Variants in EGFR observed in about 807,000 individuals in gnomAD.
EGFR encodes the protein epidermal growth factor receptor.
A neutral mutation model predicts 143.0 loss-of-function variants in EGFR; 58 were observed. That is an observed-to-expected ratio of 0.41 (90% CI 0.33 to 0.50). EGFR has a LOEUF of 0.50. Ranked by LOEUF, EGFR falls within the 20% of genes least tolerant of loss-of-function variation. EGFR has a pLI of 0.39. For synonymous variants in EGFR, 613 were observed against 594.4 expected (o/e 1.03, Z -0.45); for missense variants, 1,307 against 1,579.0 (o/e 0.83, Z 2.92).
rs377284607 is a variant in EGFR at position 55,206,008 on chromosome 7, T to TG, written c.*392dup. 265 of 384,310 alleles carry TG rather than the reference T, an allele frequency of 6.9e-4. No individual in the cohort carries two copies. The highest frequency in any genetic ancestry group is 4.8e-3 in the African/African-American group (235 of 48,840). 23.8% of individuals were successfully genotyped at this position (384,310 alleles called of 1,614,324 possible). A position where few individuals can be genotyped will look rare whatever the true frequency, so the allele number is the denominator to read the frequency against. ...GGGCTCTTCCAACAAGGAAGAAGCT[T>TG]GCTGGTAGCACTTGCTACCCTGAGT... On this transcript the variant is annotated 3_prime_UTR_variant, in exon 28 of 28. Transcript: ENST00000275493.
chr7:55,086,342 G>T (rs1397717165), intron 1 of EGFR, among the ~76,000 whole-genome samples: 2 of 147,780 alleles, frequency 1.4e-5, no homozygotes, highest in African/African-American at 5.1e-5. Context: ...GCAGAAAAGT[G>T]AGGTTATTTT....
rs1215679186 is a variant in EGFR, at chr7:55,181,416, C to T, written c.2407C>T (p.Arg803Trp). The T allele has an allele frequency of 1.2e-5, 20 of 1,614,198 alleles. No individual in the cohort carries two copies. Among genetic ancestry groups the T allele is most frequent in the Non-Finnish European group, 1.5e-5 (18 of 1,180,030 alleles). ...CTTCGGCTGCCTCCTGGACTATGTCCGGGAACACAAAGACAATATTGGCTC... is the reference window on the plus strand; with the variant it reads ...CTTCGGCTGCCTCCTGGACTATGTCTGGGAACACAAAGACAATATTGGCTC... ...MPFGCLLDYV[R>W]EHKDNIGSQY... is the part of the protein sequence containing the mutation. Residue 803 changes from arginine to tryptophan, a missense_variant, in exon 20 of 28, where the codon CGG becomes TGG. Transcript: ENST00000275493.
intron 22 of EGFR, among the ~76,000 whole-genome samples, chr7:55,193,293 A>C (rs1198965764): frequency 6.6e-6 from 1 of 152,064 alleles, no homozygotes; most frequent in East Asian, 1.9e-4. Flanking sequence ...ACAAACACAC[A>C]CTGAGGATGT....
chr7:55,156,140 G>C lies in EGFR; in HGVS notation c.1006+194G>C, dbSNP rs3735058. Among the ~76,000 whole-genome samples the C allele has an allele frequency of 2.9e-3, 442 of 152,336 alleles. 6 individuals carry two copies. Among genetic ancestry groups the C allele is most frequent in the Admixed American group, 0.014 (217 of 15,306 alleles). Reference sequence around the variant, plus strand: ...GGCACTGAAGGTTGTGACGGGGTGGGGGGCTCTGATGAGAACAGTCACAGA... The same window carrying C: ...GGCACTGAAGGTTGTGACGGGGTGGCGGGCTCTGATGAGAACAGTCACAGA... On this transcript the variant is annotated intron_variant, in intron 8 of 27. Transcript: ENST00000275493.
chr7:55,061,389 A>G (rs540109423), intron 1 of EGFR, among the ~76,000 whole-genome samples: 1 of 152,138 alleles, frequency 6.6e-6, no homozygotes, highest in Non-Finnish European at 1.5e-5. Context: ...CCCCATATAC[A>G]TAATCCCAGT....
chr7:55,204,366 A>G (rs1788010988), intron 27 of EGFR, among the ~76,000 whole-genome samples: 1 of 149,322 alleles, frequency 6.7e-6, no homozygotes, highest in African/African-American at 2.5e-5. Context: ...ACACACCAAC[A>G]CCACACAGAC....
chr7:55,026,630 G>C (rs565810455), intron 1 of EGFR, among the ~76,000 whole-genome samples: 1 of 152,098 alleles, frequency 6.6e-6, no homozygotes, highest in East Asian at 1.9e-4. Context: ...TGCCAGTCTC[G>C]GGATAACCTC....
At chr7:55,204,816 TATACACACAC>T (rs1434940784) in intron 27 of EGFR, among the ~76,000 whole-genome samples, 1 of 122,806 alleles carries the variant, frequency 8.1e-6, no homozygotes, top group Non-Finnish European at 1.7e-5. Flanking sequence ...ACACACCACA[TATACACACAC>T]GTACACACAC....
intron 22 of EGFR, among the ~76,000 whole-genome samples, chr7:55,193,139 G>A (rs118180370): frequency 8.5e-5 from 13 of 152,146 alleles, no homozygotes; most frequent in Non-Finnish European, 1.6e-4. Flanking sequence ...AAACTTTAAC[G>A]TTAACCAAAC....
At chr7:55,106,277 A>C (rs1411942285) in intron 1 of EGFR, among the ~76,000 whole-genome samples, 1 of 152,238 alleles carries the variant, frequency 6.6e-6, no homozygotes, top group Non-Finnish European at 1.5e-5. Context: ...TACGTTGAAC[A>C]GTGTGCGTCC....
At chr7:55,198,959 C>G (rs2128969112) in intron 23 of EGFR, 96 bp downstream of exon 23, 1 of 1,494,688 alleles carries the variant, frequency 6.7e-7, no homozygotes, top group Non-Finnish European at 9.2e-7. Flanking sequence ...GGAGAAATGT[C>G]ATCACATTAC....
At chr7:55,044,112 CGT>C (rs1562664417) in intron 1 of EGFR, 1 of 152,150 alleles carries the variant, frequency 6.6e-6, no homozygotes, top group Non-Finnish European at 1.5e-5. Context: ...ACATAAAACA[CGT>C]GCTTTTCTTT....
Position 55,143,322 on chromosome 7 carries a change from T to C in EGFR, c.258T>C (p.Ala86=). ...CTTCTTAGACCATCCAGGAGGTGGC[T>C]GGTTATGTCCTCATTGCCCTCAACA... is the stretch of plus-strand genomic sequence containing the variant. ...LSFLKTIQEV[A]GYVLIALNTV... Residue 86 remains alanine (A), a synonymous_variant, in exon 3 of 28, where the codon GCT becomes GCC. Coordinates refer to ENST00000275493, the MANE Select transcript of EGFR (RefSeq NM_005228.5). 1.9e-6 allele frequency: 3 copies of C among 1,614,252 alleles called. No individual in the cohort carries two copies. Among genetic ancestry groups the C allele is most frequent in the East Asian group, 2.2e-5 (1 of 44,884 alleles).
Position 55,165,323 on chromosome 7 carries a change from C to A in EGFR, c.1766C>A (p.Pro589His), listed in dbSNP as rs751570775. 3.1e-6 allele frequency: 5 copies of A among 1,614,050 alleles called. No individual in the cohort carries two copies. Among genetic ancestry groups the A allele is most frequent in the Non-Finnish European group, 3.4e-6 (4 of 1,180,050 alleles). The change falls in exon 15 of 28, where the codon CCC becomes CAC. Residue 589 changes from proline (P) to histidine (H), a missense_variant. Physicochemically the swap from Pro to His is moderately conservative, Grantham distance 77 (BLOSUM62 -2). Transcript: ENST00000275493. Reference sequence around the variant, plus strand: ...CAGTGTGCCCACTACATTGACGGCCCCCACTGCGTCAAGACCTGCCCGGCA... The same window carrying A: ...CAGTGTGCCCACTACATTGACGGCCACCACTGCGTCAAGACCTGCCCGGCA... ...CIQCAHYIDG[P>H]HCVKTCPAGV...
chr7:55,071,058 C>G (rs932736206), intron 1 of EGFR, among the ~76,000 whole-genome samples: 4 of 152,238 alleles, frequency 2.6e-5, no homozygotes, highest in Non-Finnish European at 5.9e-5. Context: ...GAGACAGCCC[C>G]AGAGGTGGAA....
intron 1 of EGFR, among the ~76,000 whole-genome samples, chr7:55,068,050 A>G (rs1293734301): frequency 2.1e-5 from 3 of 145,826 alleles, no homozygotes; most frequent in Non-Finnish European, 4.4e-5. Context: ...GTATGTGTGT[A>G]CATGTATGTA....
intron 22 of EGFR, among the ~76,000 whole-genome samples, chr7:55,197,086 A>G (rs1423002193): frequency 6.6e-6 from 1 of 152,230 alleles, no homozygotes; most frequent in Non-Finnish European, 1.5e-5. Flanking sequence ...TTGAATCTAT[A>G]AAATACTTTG....
chr7:55,198,809 C>T lies in EGFR; in HGVS notation c.2794C>T (p.Arg932Cys), dbSNP rs1223694747. The T allele has an allele frequency of 2.5e-6, 4 of 1,614,194 alleles. No individual in the cohort carries two copies. The highest frequency in any genetic ancestry group is 4.5e-5 in the East Asian group (2 of 44,890). ...EISSILEKGE[R>C]LPQPPICTID... ...CTCCTCCATCCTGGAGAAAGGAGAA[C>T]GCCTCCCTCAGCCACCCATATGTAC... The change falls in exon 23 of 28, where the codon CGC (arginine) becomes TGC (cysteine). Residue 932 changes from arginine to cysteine, a missense_variant. Transcript: ENST00000275493.
intron 1 of EGFR, among the ~76,000 whole-genome samples, chr7:55,046,881 C>G (rs1346952992): frequency 3.9e-5 from 6 of 152,176 alleles, no homozygotes; most frequent in African/African-American, 1.4e-4. Context: ...AGGGTACTTG[C>G]TGCTTTGCAA....
Sources: allele counts gnomAD v4.1 joint callset (sites outside exome capture counted in the v4.1 genomes callset), GRCh38; gene constraint gnomAD v4.1.1; transcripts MANE v1.5; gene names NCBI Gene and HGNC (gene_info 2026-07-23, HGNC 2026-07-21).